ABTB2: variants seen among roughly 807,000 people sequenced by gnomAD.
ABTB2 encodes the protein ankyrin repeat and BTB/POZ domain-containing protein 2.
ABTB2 carries 56 observed loss-of-function variants against 104.1 expected under a neutral mutation model. The ratio of observed to expected loss-of-function variants is 0.54; its 90% CI spans 0.43 to 0.67. ABTB2 has a LOEUF of 0.67. Ranked by LOEUF, ABTB2 falls within the 30% of genes least tolerant of loss-of-function variation. The pLI is 0.00. For missense variants in ABTB2, 1,279 were observed against 1,407.7 expected, an observed-to-expected ratio of 0.91 and a Z score of 1.46; for synonymous variants, 606 against 608.2, an observed-to-expected ratio of 1.00 and a Z score of 0.05.
chr11:34,311,521 A>G (rs1005113303), intron 1 of ABTB2, among the ~76,000 whole-genome samples: 13 of 152,238 alleles, frequency 8.5e-5, no homozygotes, highest in African/African-American at 2.9e-4. Context: ...AGATTAAGGC[A>G]GAGCGCCTCA....
At chr11:34,237,435 G>A (rs979147372) in intron 1 of ABTB2, among the ~76,000 whole-genome samples, 13 of 151,998 alleles carry the variant, frequency 8.6e-5, no homozygotes, top group Admixed American at 6.6e-4. Context: ...GAGCCACTGC[G>A]CCTGGCCTTT....
In ABTB2 at chr11:34,173,315, G is replaced by T; in HGVS notation, c.1245-8C>A. On this transcript the variant is annotated splice_polypyrimidine_tract_variant and splice_region_variant and intron_variant, in intron 3 of 16. Coordinates refer to ENST00000435224, the MANE Select transcript of ABTB2 (RefSeq NM_145804.3). ...GGCAGCAGCATGAAGGGCCTGTGGG[G>T]CAGCAGAGAGAGGGTCAGGCCTGGG... 2.5e-6 allele frequency: 4 copies of T among 1,583,306 alleles called. No homozygotes were observed. Among genetic ancestry groups the T allele is most frequent in the South Asian group, 1.1e-5 (1 of 87,034 alleles).
chr11:34,322,991 C>A (rs367566969), intron 1 of ABTB2, among the ~76,000 whole-genome samples: 140 of 152,284 alleles, frequency 9.2e-4, no homozygotes, highest in African/African-American at 3.2e-3. Flanking sequence ...CTCACTGCAA[C>A]CTCTGCCTCC....
chr11:34,330,681 G>A (rs111512798), intron 1 of ABTB2, among the ~76,000 whole-genome samples: 1 of 152,232 alleles, frequency 6.6e-6, no homozygotes, highest in Non-Finnish European at 1.5e-5. Flanking sequence ...CCAGCAGAGA[G>A]ATAGTTGTCA....
intron 1 of ABTB2, among the ~76,000 whole-genome samples, chr11:34,212,367 G>GT (rs1357893958): frequency 6.6e-6 from 1 of 152,170 alleles, no homozygotes; most frequent in Non-Finnish European, 1.5e-5. Context: ...AGAGAAGCAG[G>GT]TTTTAACCAT....
At chr11:34,153,457 C>A (rs1472721614) in intron 16 of ABTB2, among the ~76,000 whole-genome samples, 2 of 152,134 alleles carry the variant, frequency 1.3e-5, no homozygotes, top group African/African-American at 4.8e-5. Context: ...CAGTCTCAAC[C>A]TCCCGGGCTC....
intron 1 of ABTB2, among the ~76,000 whole-genome samples, chr11:34,245,833 C>T (rs1484811704): frequency 6.6e-6 from 1 of 152,244 alleles, no homozygotes; most frequent in African/African-American, 2.4e-5. Flanking sequence ...ATCTCACCAG[C>T]TCCAATCCAA....
intron 1 of ABTB2, among the ~76,000 whole-genome samples, chr11:34,239,934 C>T (rs945858906): frequency 6.6e-6 from 1 of 152,182 alleles, no homozygotes; most frequent in Admixed American, 6.5e-5. Flanking sequence ...AGAGGCATTT[C>T]CCCCCTAAAT....
intron 7 of ABTB2, 22 bp downstream of exon 7, chr11:34,167,237 T>C: frequency 6.3e-7 from 1 of 1,588,838 alleles, no homozygotes. Context: ...GGGGGCATGG[T>C]GTTCACCTGG....
intron 1 of ABTB2, among the ~76,000 whole-genome samples, chr11:34,292,501 A>G (rs911501): frequency 0.79 from 119,627 of 152,140 alleles, 47,893 homozygotes; most frequent in African/African-American, 0.94. Flanking sequence ...CAGTCATCTT[A>G]CCTTTGCCTA....
In ABTB2 at chr11:34,260,061, G is replaced by A. The variant is rs538564633; in HGVS notation, c.884-55371C>T. Among the ~76,000 whole-genome samples, 42 of 152,042 alleles carry A rather than the reference G, an allele frequency of 2.8e-4. 1 individual carries two copies. Among genetic ancestry groups the A allele is most frequent in the Non-Finnish European group, 5.7e-4 (39 of 68,014 alleles). The stretch of plus-strand genomic sequence containing the variant: ...TGGGCTCAAGCAATCTGCCTGCCTC[G>A]GCCTCTCAAAGTGCCAGGATTATAG... On this transcript the variant is annotated intron_variant, in intron 1 of 16. Transcript: ENST00000435224.
At position 34,341,267 on chromosome 11, in the gene ABTB2, C is replaced by T. The variant is rs186484490; in HGVS notation, c.883+15434G>A. The stretch of plus-strand genomic sequence containing the variant: ...GGGCTAAGTGACTTGCCTGAGGCCA[C>T]GCAGCTTGGAAATGATAAAACCCGA... On this transcript the variant is annotated intron_variant, in intron 1 of 16. Transcript: ENST00000435224. Among the ~76,000 whole-genome samples the T allele has an allele frequency of 6.4e-4, 98 of 152,268 alleles. 1 individual carries two copies. In the East Asian group the frequency reaches 0.018, roughly 28 times the overall value.
intron 1 of ABTB2, among the ~76,000 whole-genome samples, chr11:34,294,317 C>T (rs780246286): frequency 9.2e-5 from 14 of 151,968 alleles, no homozygotes; most frequent in Non-Finnish European, 1.6e-4. Flanking sequence ...GGCAACAGAG[C>T]GAGACGCTGT....
chr11:34,152,895 C>G (rs1288650449), intron 16 of ABTB2, among the ~76,000 whole-genome samples: 3 of 152,202 alleles, frequency 2.0e-5, no homozygotes, highest in Non-Finnish European at 4.4e-5. Context: ...GGGCTCAGCA[C>G]CAGGCCTGGC....
intron 1 of ABTB2, among the ~76,000 whole-genome samples, chr11:34,297,294 A>G (rs1854633850): frequency 6.6e-6 from 1 of 152,104 alleles, no homozygotes; most frequent in Non-Finnish European, 1.5e-5. Context: ...CAGTCTTCTC[A>G]ACTACATATT....
At chr11:34,193,517 A>G (rs937737944) in intron 3 of ABTB2, among the ~76,000 whole-genome samples, 1 of 152,242 alleles carries the variant, frequency 6.6e-6, no homozygotes, top group Non-Finnish European at 1.5e-5. Context: ...TTGAGGTGAG[A>G]GAGACCTCAG....
At chr11:34,273,562 C>G (rs1360540641) in intron 1 of ABTB2, among the ~76,000 whole-genome samples, 1 of 152,162 alleles carries the variant, frequency 6.6e-6, no homozygotes, top group East Asian at 1.9e-4. Flanking sequence ...TCCATCTGAA[C>G]TGTGGCCCCT....
chr11:34,280,974 C>G (rs143245484), intron 1 of ABTB2, among the ~76,000 whole-genome samples: 4 of 152,244 alleles, frequency 2.6e-5, no homozygotes, highest in African/African-American at 9.6e-5. Context: ...ACAGATAGAG[C>G]AAAGCAGGGG....
chr11:34,174,197 C>T (rs961497978), intron 3 of ABTB2, among the ~76,000 whole-genome samples: 1 of 151,960 alleles, frequency 6.6e-6, no homozygotes, highest in Non-Finnish European at 1.5e-5. Flanking sequence ...TGGTGGCGGG[C>T]GCCTGTAGTC....
Sources: allele counts gnomAD v4.1 joint callset (sites outside exome capture counted in the v4.1 genomes callset), GRCh38; gene constraint gnomAD v4.1.1; transcripts MANE v1.5; gene names NCBI Gene and HGNC (gene_info 2026-07-23, HGNC 2026-07-21).